SATB2: variants seen among roughly 807,000 people sequenced by gnomAD.
SATB2 encodes SATB homeobox 2.
In SATB2, 1 loss-of-function variant was observed where a neutral mutation model predicts 73.4. That is an observed-to-expected ratio of 0.01 (90% confidence interval 0.00 to 0.06). The LOEUF (loss-of-function observed/expected upper bound fraction) is 0.06, where lower values mean the gene tolerates loss of function less well. SATB2 is among the 10% of genes least tolerant of loss of function. The pLI is 1.00. For missense variants in SATB2, 459 were observed against 945.8 expected (o/e 0.49, Z 6.75); for synonymous variants, 397 against 367.0 (o/e 1.08, Z -0.93).
rs558821204 is a variant in SATB2, at chr2:199,391,473, T to C, written c.347-9653A>G. Among the ~76,000 whole-genome samples the C allele has an allele frequency of 7.3e-5, 11 of 151,326 alleles. No individual in the cohort carries two copies. In the East Asian group the frequency reaches 2.1e-3, roughly 29 times the overall value. On this transcript the variant is annotated intron_variant, in intron 3 of 10. Transcript: ENST00000417098. ...AAAAACAAAAAACAAAAAACGAGTA[T>C]TTTAATATATTTTACTTTCAGTGTT... is the stretch of plus-strand genomic sequence containing the variant.
At chr2:199,333,258 C>T (rs554928623) in intron 7 of SATB2, among the ~76,000 whole-genome samples, 44 of 152,084 alleles carry the variant, frequency 2.9e-4, no homozygotes, top group African/African-American at 1.1e-3. Context: ...GATTCTGCTT[C>T]CCAGGAGTTT....
At chr2:199,362,399 G>A (rs1008331661) in intron 6 of SATB2, among the ~76,000 whole-genome samples, 2 of 127,642 alleles carry the variant, frequency 1.6e-5, no homozygotes, top group African/African-American at 3.1e-5. Flanking sequence ...AAGAGTTTCC[G>A]GACTTTCCTC....
intron 3 of SATB2, among the ~76,000 whole-genome samples, chr2:199,415,950 A>G (rs1690966216): frequency 1.3e-5 from 2 of 152,196 alleles, no homozygotes; most frequent in Admixed American, 6.5e-5. Flanking sequence ...GCCAACTTGT[A>G]GCATCATCAT....
chr2:199,448,242 CA>C lies in SATB2; in HGVS notation c.169+7626del, dbSNP rs530087797. Among the ~76,000 whole-genome samples the C allele has an allele frequency of 6.6e-5, 10 of 152,002 alleles. 1 individual carries two copies. The South Asian group carries it at 2.1e-3, about 32-fold the overall frequency. The stretch of plus-strand genomic sequence containing the variant: ...TCCTTATATGTAATAATAATTGAAA[CA>C]AATGCAATAAAAGTACTCAATTTTA... On this transcript the variant is annotated intron_variant, in intron 2 of 10. Transcript: ENST00000417098.
intron 7 of SATB2, among the ~76,000 whole-genome samples, chr2:199,346,082 T>C (rs1259160562): frequency 6.6e-6 from 1 of 151,988 alleles, no homozygotes; most frequent in Admixed American, 6.6e-5. Flanking sequence ...TAATAAGAGA[T>C]AACAAAACTT....
intron 10 of SATB2, among the ~76,000 whole-genome samples, chr2:199,303,855 G>A (rs549862219): frequency 6.6e-6 from 1 of 152,214 alleles, no homozygotes; most frequent in East Asian, 1.9e-4. Flanking sequence ...TTCAATGTAC[G>A]GCATGGAATT....
intron 2 of SATB2, among the ~76,000 whole-genome samples, chr2:199,437,030 T>C (rs945572328): frequency 3.3e-5 from 5 of 152,118 alleles, no homozygotes; most frequent in African/African-American, 1.2e-4. Context: ...AATAAAAGAA[T>C]AAAAATGTAA....
chr2:199,364,992 A>G (rs1435328962), intron 6 of SATB2, among the ~76,000 whole-genome samples: 1 of 152,130 alleles, frequency 6.6e-6, no homozygotes, highest in Admixed American at 6.5e-5. Flanking sequence ...TCAAGAGTTC[A>G]GACAAAAAAA....
chr2:199,333,737 T>G (rs1184339138), intron 7 of SATB2, among the ~76,000 whole-genome samples: 1 of 152,196 alleles, frequency 6.6e-6, no homozygotes, highest in African/African-American at 2.4e-5. Context: ...TTAGATAATC[T>G]GTTCAGCCTT....
At chr2:199,358,358 T>A (rs1189897643) in intron 6 of SATB2, among the ~76,000 whole-genome samples, 1 of 151,900 alleles carries the variant, frequency 6.6e-6, no homozygotes, top group Non-Finnish European at 1.5e-5. Flanking sequence ...AGCTAATAGA[T>A]CTCTCAGATA....
At chr2:199,443,178 G>T (rs1238152052) in intron 2 of SATB2, among the ~76,000 whole-genome samples, 1 of 151,694 alleles carries the variant, frequency 6.6e-6, no homozygotes, top group African/African-American at 2.4e-5. Flanking sequence ...AATGAAAATT[G>T]TCCTTATACT....
At chr2:199,470,194 G>A (rs985460856) in intron 1 of SATB2, 3 of 152,326 alleles carry the variant, frequency 2.0e-5, no homozygotes, top group African/African-American at 7.2e-5. Flanking sequence ...AGTCTCCCGT[G>A]GAATCTTGTT....
intron 10 of SATB2, among the ~76,000 whole-genome samples, chr2:199,277,809 C>T (rs1005961844): frequency 1.3e-5 from 2 of 152,116 alleles, no homozygotes; most frequent in African/African-American, 2.4e-5. Flanking sequence ...TTTCACAGTA[C>T]TCTTAGAGGC....
intron 9 of SATB2, among the ~76,000 whole-genome samples, chr2:199,311,358 A>G (rs1687589054): frequency 6.6e-6 from 1 of 152,162 alleles, no homozygotes; most frequent in Non-Finnish European, 1.5e-5. Context: ...GGAGCCTTCA[A>G]CAGCGCACCC....
At chr2:199,387,517 A>G (rs919873895) in intron 3 of SATB2, among the ~76,000 whole-genome samples, 1 of 152,194 alleles carries the variant, frequency 6.6e-6, no homozygotes, top group African/African-American at 2.4e-5. Context: ...TTTTCCAATC[A>G]TCTTTATTAT....
chr2:199,304,167 C>T (rs1052890314), intron 10 of SATB2, among the ~76,000 whole-genome samples: 3 of 152,124 alleles, frequency 2.0e-5, no homozygotes, highest in Non-Finnish European at 4.4e-5. Flanking sequence ...GTCTCTCTTC[C>T]AGTTTTTCCA....
At chr2:199,297,420 T>C (rs1001507470) in intron 10 of SATB2, among the ~76,000 whole-genome samples, 1 of 152,080 alleles carries the variant, frequency 6.6e-6, no homozygotes, top group Non-Finnish European at 1.5e-5. Context: ...GGAAGAGTCA[T>C]ACATGTGAAA....
Position 199,417,599 on chromosome 2 carries a change from C to G in SATB2, c.346+15739G>C, listed in dbSNP as rs7583173. ...TATTTAGAACTTTAAGAAGAAAAACCAAGGAACAGAAAAAAAATTTGTCCC... is the reference window on the plus strand; with the variant it reads ...TATTTAGAACTTTAAGAAGAAAAACGAAGGAACAGAAAAAAAATTTGTCCC... On this transcript the variant is annotated intron_variant, in intron 3 of 10. Coordinates refer to ENST00000417098, the MANE Select transcript of SATB2 (RefSeq NM_001172509.2). 6.5e-3 allele frequency among the ~76,000 whole-genome samples: 991 copies of G among 152,148 alleles called. 11 individuals carry two copies. The highest frequency in any genetic ancestry group is 0.022 in the African/African-American group (928 of 41,504).
At chr2:199,452,379 C>T (rs1275383193) in intron 2 of SATB2, among the ~76,000 whole-genome samples, 1 of 152,134 alleles carries the variant, frequency 6.6e-6, no homozygotes, top group African/African-American at 2.4e-5. Context: ...TGCCTTGCTT[C>T]CTCTGGAAAC....
Sources: gnomAD v4.1 joint callset for allele counts (sites outside exome capture counted in the v4.1 genomes callset) on GRCh38, gnomAD v4.1.1 for gene constraint, MANE v1.5 for transcripts, NCBI Gene and HGNC (gene_info 2026-07-23, HGNC 2026-07-21) for gene names.